Variants in SNRNP35 observed in about 807,000 individuals in gnomAD.
The protein encoded by SNRNP35 is U11/U12 small nuclear ribonucleoprotein 35 kDa protein.
A neutral mutation model predicts 24.3 loss-of-function variants in SNRNP35; 16 were observed. That is an observed-to-expected ratio of 0.66 (90% CI 0.45 to 1.00). The LOEUF (loss-of-function observed/expected upper bound fraction) is 1.00. SNRNP35 is among the 50% of genes least tolerant of loss of function. The pLI, the probability that SNRNP35 is intolerant of heterozygous loss-of-function variation, is 0.00. For missense variants in SNRNP35, 292 were observed against 327.2 expected, an observed-to-expected ratio of 0.89 and a Z score of 0.83; for synonymous variants, 106 against 124.8, an observed-to-expected ratio of 0.85 and a Z score of 1.00.
chr12:123,464,857 C>G (rs1182614502), intron 1 of SNRNP35: 1 of 152,202 alleles, frequency 6.6e-6, no homozygotes, highest in Non-Finnish European at 1.5e-5. Context: ...GCTTTGTTGT[C>G]TGTTTACTAC....
In SNRNP35 at chr12:123,465,725, C is replaced by T; in HGVS notation, c.185C>T (p.Thr62Ile). 1 of 1,613,690 alleles carries T rather than the reference C, an allele frequency of 6.2e-7. No homozygotes were observed. The highest frequency in any genetic ancestry group is 8.5e-7 in the Non-Finnish European group (1 of 1,179,800). ...TTTGTGGCCAGACTAAACTTGCAGA[C>T]CAAGGAGGACAAATTAAAGGAAGTC... ...TLFVARLNLQ[T>I]KEDKLKEVFS... The change falls in exon 2 of 2, where the codon ACC becomes ATC. Residue 62 changes from threonine to isoleucine, a missense_variant. Physicochemically the swap from Thr to Ile is moderately conservative, Grantham distance 89 (BLOSUM62 -1). Coordinates refer to ENST00000526639, the MANE Select transcript of SNRNP35 (RefSeq NM_022717.4). This position sits in a 1 kb window ranked among gnomAD's most constrained non-coding sequence, Gnocchi z 4.2.
rs201545502 is a variant in SNRNP35, at chr12:123,465,776, G to T, written c.236G>T (p.Arg79Leu). 6.2e-7 allele frequency: 1 copy of T among 1,614,152 alleles called. No individual in the cohort carries two copies. Among genetic ancestry groups the T allele is most frequent in the Non-Finnish European group, 8.5e-7 (1 of 1,180,024 alleles). ...TTTTCCCGCTATGGTGACATCCGGC[G>T]GCTTCGGCTGGTCAGGGACTTGGTC... ...EVFSRYGDIR[R>L]LRLVRDLVTG... Residue 79 changes from arginine to leucine, a missense_variant, in exon 2 of 2, where the codon CGG becomes CTG. By Grantham distance (102) the Arg-to-Leu change is moderately radical. Coordinates refer to ENST00000526639, the MANE Select transcript of SNRNP35 (RefSeq NM_022717.4). This position sits in a 1 kb window ranked among gnomAD's most constrained non-coding sequence, Gnocchi z 4.2.
chr12:123,469,498 A>AT (rs1310535041), downstream of SNRNP35, among the ~76,000 whole-genome samples: 170 of 141,484 alleles, frequency 1.2e-3, no homozygotes, highest in African/African-American at 4.3e-3. Flanking sequence ...ATTGCTATAC[A>AT]TTTTTTTTTC....
chr12:123,468,979 A>C (rs183058820), downstream of SNRNP35, among the ~76,000 whole-genome samples: 42 of 152,022 alleles, frequency 2.8e-4, no homozygotes, highest in African/African-American at 9.6e-4. Context: ...AACATTAATA[A>C]ATATCACCCC....
At chr12:123,471,691 A>T (rs915984226), downstream of SNRNP35, 4 of 152,172 alleles carry the variant, frequency 2.6e-5, no homozygotes, top group African/African-American at 9.7e-5. Context: ...CTAGGATCCC[A>T]CGCCCCGCTT....
At position 123,465,537 on chromosome 12, in the gene SNRNP35, G is replaced by A. The variant is rs746521161; in HGVS notation, c.-3-1G>A. On this transcript the variant is annotated splice_acceptor_variant, in intron 1 of 1. Transcript: ENST00000526639. LOFTEE classifies it low-confidence loss of function (5UTR_SPLICE). The surrounding 1 kb of genome is among the most constrained non-coding windows in gnomAD (Gnocchi z 4.2). ...TCCACGCTTGCTCTTATCATTCATAGAACATGAACGATTGGATGCCCATCG... is the reference window on the plus strand; with the variant it reads ...TCCACGCTTGCTCTTATCATTCATAAAACATGAACGATTGGATGCCCATCG... The A allele has an allele frequency of 6.5e-7, 1 of 1,541,234 alleles. No homozygotes were observed. The highest frequency in any genetic ancestry group is 2.3e-5 in the East Asian group (1 of 44,350).
downstream of SNRNP35, among the ~76,000 whole-genome samples, chr12:123,469,119 C>CT (rs1361842642): frequency 1.3e-5 from 2 of 151,812 alleles, no homozygotes; most frequent in Non-Finnish European, 2.9e-5. Context: ...CAAATGTCCC[C>CT]TGGGGGGCTC....
chr12:123,463,364 GT>G (rs902246012), intron 1 of SNRNP35, among the ~76,000 whole-genome samples: 18 of 146,754 alleles, frequency 1.2e-4, no homozygotes, highest in African/African-American at 1.7e-4. Flanking sequence ...AACAGGTCAA[GT>G]TTTTTTTTTT....
At chr12:123,472,711 G>T in exon 2 of SNRNP35, 1 of 1,583,966 alleles carries the variant, frequency 6.3e-7, no homozygotes, top group South Asian at 1.2e-5. Context: ...ACACAGAAAT[G>T]AGAGCTGACC....
At chr12:123,468,960 G>T (rs1279475876), downstream of SNRNP35, among the ~76,000 whole-genome samples, 1 of 152,148 alleles carries the variant, frequency 6.6e-6, no homozygotes, top group Non-Finnish European at 1.5e-5. Context: ...CATCAGTGGG[G>T]CCTAGATAAA....
Position 123,466,356 on chromosome 12 carries a change from G to A in SNRNP35, c.*75G>A. 7.1e-7 allele frequency: 1 copy of A among 1,399,446 alleles called. No individual in the cohort carries two copies. The highest frequency in any genetic ancestry group is 9.6e-7 in the Non-Finnish European group (1 of 1,043,626). The allele number at this position is 1,399,446 out of a possible 1,614,324, so 86.7% of individuals were successfully genotyped here. On this transcript the variant is annotated 3_prime_UTR_variant, in exon 2 of 2. Coordinates refer to ENST00000526639, the MANE Select transcript of SNRNP35 (RefSeq NM_022717.4). ...GGGGGATTGTCTTTCAACGCAGCGTGAGTCTAATGGTTGAATAAAACTTAC... is the reference window on the plus strand; with the variant it reads ...GGGGGATTGTCTTTCAACGCAGCGTAAGTCTAATGGTTGAATAAAACTTAC...
chr12:123,461,868 C>G (rs900963111), intron 1 of SNRNP35, among the ~76,000 whole-genome samples: 26 of 151,960 alleles, frequency 1.7e-4, no homozygotes, highest in Admixed American at 3.9e-4. Flanking sequence ...ACTGCAGGCG[C>G]CCGCCACCAC....
At chr12:123,459,658 T>G in intron 1 of SNRNP35, 1 of 529,958 alleles carries the variant, frequency 1.9e-6, no homozygotes, top group African/African-American at 1.9e-5. Flanking sequence ...CGTGGTGGTG[T>G]GTGTCTGTAA....
downstream of SNRNP35, among the ~76,000 whole-genome samples, chr12:123,468,890 G>T (rs1190098996): frequency 1.3e-5 from 2 of 152,142 alleles, no homozygotes; most frequent in African/African-American, 2.4e-5. Flanking sequence ...GTAGACTTTT[G>T]TGTGTGTGAC....
intron 1 of SNRNP35, among the ~76,000 whole-genome samples, chr12:123,462,136 C>G (rs756502683): frequency 5.3e-5 from 8 of 152,124 alleles, no homozygotes; most frequent in Non-Finnish European, 1.2e-4. Flanking sequence ...AAAACATGAT[C>G]AGGACTTTAG....
intron 1 of SNRNP35, chr12:123,464,470 C>G (rs1005034227): frequency 6.6e-6 from 1 of 152,038 alleles, no homozygotes; most frequent in Non-Finnish European, 1.5e-5. Flanking sequence ...TCTCGATCTC[C>G]TGATCTCATG....
At chr12:123,469,649 A>G (rs1401912045), downstream of SNRNP35, among the ~76,000 whole-genome samples, 1 of 152,048 alleles carries the variant, frequency 6.6e-6, no homozygotes, top group Non-Finnish European at 1.5e-5. Flanking sequence ...GTACACCACC[A>G]CACCCACCTA....
At position 123,465,871 on chromosome 12, in the gene SNRNP35, G is replaced by A. The variant is rs1456264820; in HGVS notation, c.331G>A (p.Asp111Asn). Residue 111 changes from aspartate to asparagine, a missense_variant, in exon 2 of 2, where the codon GAT (aspartate) becomes AAT (asparagine). Coordinates refer to ENST00000526639, the MANE Select transcript of SNRNP35 (RefSeq NM_022717.4). This position sits in a 1 kb window ranked among gnomAD's most constrained non-coding sequence, Gnocchi z 4.2. ...EERAVIKAYR[D>N]ADGLVIDQHE... The stretch of plus-strand genomic sequence containing the variant: ...GCGTGCCGTGATCAAAGCTTACCGA[G>A]ATGCTGATGGCCTGGTTATTGACCA... 3 of 1,614,048 alleles carry A rather than the reference G, an allele frequency of 1.9e-6. No individual in the cohort carries two copies. The highest frequency in any genetic ancestry group is 2.5e-6 in the Non-Finnish European group (3 of 1,180,036).
At chr12:123,460,489 G>A (rs1338685097) in intron 1 of SNRNP35, among the ~76,000 whole-genome samples, 2 of 151,230 alleles carry the variant, frequency 1.3e-5, no homozygotes, top group Non-Finnish European at 2.9e-5. Flanking sequence ...GTACAGGCTG[G>A]GTTCGCTGGC....
Sources: gnomAD v4.1 joint callset for allele counts (sites outside exome capture counted in the v4.1 genomes callset) on GRCh38, gnomAD v4.1.1 for gene constraint, Gnocchi (gnomAD v3.1) non-coding constraint, MANE v1.5 for transcripts, NCBI Gene and HGNC (gene_info 2026-07-23, HGNC 2026-07-21) for gene names.